Variants in PRKN observed in about 807,000 individuals in gnomAD.
PRKN encodes parkin RBR E3 ubiquitin protein ligase.
A neutral mutation model predicts 59.5 loss-of-function variants in PRKN; 56 were observed. The observed-to-expected ratio is 0.94, with a 90% CI of 0.76 to 1.18. The LOEUF is 1.18. Ranked by LOEUF, PRKN falls within the 50% of genes most tolerant of loss-of-function variation. The pLI, the probability that PRKN is intolerant of heterozygous loss-of-function variation, is 0.00. For synonymous variants in PRKN, 250 were observed against 222.1 expected (o/e 1.13, Z -1.12); for missense variants, 657 against 596.4 (o/e 1.10, Z -1.06).
At chr6:162,645,808 G>A (rs1465564313) in intron 1 of PRKN, among the ~76,000 whole-genome samples, 1 of 149,124 alleles carries the variant, frequency 6.7e-6, no homozygotes, top group African/African-American at 2.5e-5. Context: ...CCCCATTCTT[G>A]TCATTTCCAG....
chr6:162,661,976 C>A (rs756131960), intron 1 of PRKN, among the ~76,000 whole-genome samples: 1 of 152,154 alleles, frequency 6.6e-6, no homozygotes. Flanking sequence ...CCCCTCCCAC[C>A]TTTTGTATTC....
At chr6:161,705,696 G>A (rs1360233797) in intron 7 of PRKN, among the ~76,000 whole-genome samples, 2 of 152,182 alleles carry the variant, frequency 1.3e-5, no homozygotes, top group Non-Finnish European at 1.5e-5. Flanking sequence ...TTCCCAGTGA[G>A]GCACCTGTCC....
At chr6:161,723,819 G>GGT (rs989246208) in intron 7 of PRKN, among the ~76,000 whole-genome samples, 13 of 152,094 alleles carry the variant, frequency 8.5e-5, no homozygotes, top group Admixed American at 8.5e-4. Context: ...TCCTCTCATG[G>GGT]GTGTTTCCTG....
At chr6:162,413,875 T>C (rs1311220796) in intron 2 of PRKN, among the ~76,000 whole-genome samples, 1 of 152,094 alleles carries the variant, frequency 6.6e-6, no homozygotes, top group African/African-American at 2.4e-5. Flanking sequence ...CTAAGGGCAA[T>C]GTCAAACTCA....
chr6:162,512,281 A>G (rs1777660812), intron 1 of PRKN, among the ~76,000 whole-genome samples: 1 of 152,184 alleles, frequency 6.6e-6, no homozygotes. Context: ...GGTGGAAATC[A>G]AGCATTAACT....
intron 1 of PRKN, among the ~76,000 whole-genome samples, chr6:162,650,182 C>G (rs574062086): frequency 1.8e-4 from 28 of 152,298 alleles, no homozygotes; most frequent in African/African-American, 6.7e-4. Flanking sequence ...GTCCAACAAT[C>G]CTTCTGCCCT....
intron 1 of PRKN, among the ~76,000 whole-genome samples, chr6:162,657,582 C>T (rs1259806150): frequency 6.6e-6 from 1 of 152,106 alleles, no homozygotes; most frequent in Non-Finnish European, 1.5e-5. Context: ...TAAAGTAGCA[C>T]CCTGGCATCC....
Position 161,548,837 on chromosome 6 carries a change from G to T in PRKN, c.1083+17C>A. The T allele has an allele frequency of 1.2e-6, 2 of 1,611,120 alleles. No homozygotes were observed. The highest frequency in any genetic ancestry group is 1.1e-5 in the South Asian group (1 of 91,022). ...AGGACAGGAACACACCGCTCCAGGG[G>T]TGTGGGCAGTACTCACCCCACAGCC... On this transcript the variant is annotated intron_variant, in intron 9 of 11. Coordinates refer to ENST00000366898, the MANE Select transcript of PRKN (RefSeq NM_004562.3). This position sits in a 1 kb window ranked among gnomAD's most constrained non-coding sequence, Gnocchi z 4.2.
At chr6:161,928,353 TAGG>T (rs1779043145) in intron 6 of PRKN, among the ~76,000 whole-genome samples, 4 of 152,154 alleles carry the variant, frequency 2.6e-5, no homozygotes, top group Admixed American at 2.6e-4. Context: ...TACAGATTTG[TAGG>T]AGGAAATAAA....
chr6:162,726,159 A>C (rs1205927266), intron 1 of PRKN, among the ~76,000 whole-genome samples: 1 of 152,224 alleles, frequency 6.6e-6, no homozygotes, highest in Non-Finnish European at 1.5e-5. Context: ...ATAACTGAGT[A>C]ATGTTCTTTA....
At chr6:161,406,957 T>C (rs1049886968) in intron 9 of PRKN, among the ~76,000 whole-genome samples, 2 of 152,180 alleles carry the variant, frequency 1.3e-5, no homozygotes, top group African/African-American at 4.8e-5. Flanking sequence ...AGCTTCTTGC[T>C]GACTTGGAAA....
At chr6:161,917,611 G>C (rs1412666346) in intron 6 of PRKN, among the ~76,000 whole-genome samples, 1 of 152,124 alleles carries the variant, frequency 6.6e-6, no homozygotes, top group African/African-American at 2.4e-5. Flanking sequence ...TAGATCTTTA[G>C]ACCTCTGGCT....
chr6:161,901,500 C>G (rs1012917032), intron 6 of PRKN, among the ~76,000 whole-genome samples: 1 of 152,026 alleles, frequency 6.6e-6, no homozygotes, highest in Admixed American at 6.6e-5. Context: ...ACAAAGCTGC[C>G]AAGACAACAC....
Position 162,443,493 on chromosome 6 carries a change from G to T in PRKN, c.8-20C>A, listed in dbSNP as rs1313849345. 6.2e-6 allele frequency: 10 copies of T among 1,613,068 alleles called. No homozygotes were observed. The highest frequency in any genetic ancestry group is 8.5e-6 in the Non-Finnish European group (10 of 1,179,156). On this transcript the variant is annotated intron_variant, in intron 1 of 11. Coordinates refer to ENST00000366898, the MANE Select transcript of PRKN (RefSeq NM_004562.3). ...CAAACACTGACCAAGGAAATTGGAA[G>T]GGAGAAGAGAAAGTGAGCATCACTC... is the stretch of plus-strand genomic sequence containing the variant.
At chr6:162,254,934 A>G (rs1229841047) in intron 3 of PRKN, among the ~76,000 whole-genome samples, 3 of 152,050 alleles carry the variant, frequency 2.0e-5, no homozygotes, top group African/African-American at 7.2e-5. Context: ...ACGAAAATGT[A>G]ACACTCCAGA....
At chr6:162,087,745 C>G (rs967742550) in intron 4 of PRKN, among the ~76,000 whole-genome samples, 1 of 152,008 alleles carries the variant, frequency 6.6e-6, no homozygotes, top group African/African-American at 2.4e-5. Context: ...AGGCACACGC[C>G]ACCACGCCCA....
At chr6:162,592,639 A>G (rs1371006507) in intron 1 of PRKN, among the ~76,000 whole-genome samples, 1 of 152,136 alleles carries the variant, frequency 6.6e-6, no homozygotes, top group East Asian at 1.9e-4. Context: ...TGCCCTGTAC[A>G]TTAGATAACC....
chr6:162,475,722 G>A (rs1028956311), intron 1 of PRKN, among the ~76,000 whole-genome samples: 2 of 150,730 alleles, frequency 1.3e-5, no homozygotes, highest in Non-Finnish European at 2.9e-5. Flanking sequence ...ATTTATTTAC[G>A]CCTCTGGAAG....
intron 2 of PRKN, among the ~76,000 whole-genome samples, chr6:162,362,402 T>A (rs1785188728): frequency 6.6e-6 from 1 of 152,126 alleles, no homozygotes; most frequent in Non-Finnish European, 1.5e-5. Context: ...TACCTATCTT[T>A]AAAAAAGTAA....
Sources: gnomAD v4.1 joint callset for allele counts (sites outside exome capture counted in the v4.1 genomes callset) on GRCh38, gnomAD v4.1.1 for gene constraint, Gnocchi (gnomAD v3.1) non-coding constraint, MANE v1.5 for transcripts, NCBI Gene and HGNC (gene_info 2026-07-23, HGNC 2026-07-21) for gene names.